Variants in PKD1L3 observed in about 807,000 individuals in gnomAD.
PKD1L3 encodes polycystin 1 like 3, transient receptor potential channel interacting, also known as polycystin-1-like protein 3.
In PKD1L3, 239 loss-of-function variants were observed where a neutral mutation model predicts 184.1. That is an observed-to-expected ratio of 1.30 (90% CI 1.17 to 1.45). PKD1L3 has a LOEUF of 1.45. Ranked by LOEUF, PKD1L3 falls within the 40% of genes most tolerant of loss-of-function variation. The pLI is 0.00. For synonymous variants in PKD1L3, 996 were observed against 778.8 expected (o/e 1.28, Z -4.64); for missense variants, 2,660 against 2,067.2 (o/e 1.29, Z -5.56).
Position 71,967,137 on chromosome 16 carries a change from C to A in PKD1L3, c.2465G>T (p.Trp822Leu). The A allele has an allele frequency of 4.5e-6, 7 of 1,551,372 alleles. No individual in the cohort carries two copies. Among genetic ancestry groups the A allele is most frequent in the Non-Finnish European group, 6.1e-6 (7 of 1,146,770 alleles). The change falls in exon 15 of 30, where the codon TGG (tryptophan) becomes TTG (leucine). Residue 822 changes from tryptophan (W) to leucine (L), a missense_variant and splice_region_variant. Transcript: ENST00000620267. ...CAGCCAACAGGATATAAGTACTCAC[C>A]AGGAGGGACTGACGCCAGAATTGTC... The part of the protein sequence containing the change: ...WHDNSGVSPS[W>L]YVSQVIVCDM...
chr16:71,992,799 T>C (rs2040640831), intron 3 of PKD1L3, among the ~76,000 whole-genome samples: 1 of 152,230 alleles, frequency 6.6e-6, no homozygotes, highest in South Asian at 2.1e-4. Context: ...CACTTCTTTC[T>C]TTCAGTTGAT....
At chr16:71,986,536 A>C in intron 4 of PKD1L3, 67 bp from the exon 5 acceptor site, 1 of 1,456,970 alleles carries the variant, frequency 6.9e-7, no homozygotes, top group African/African-American at 1.4e-5. Context: ...TTAAGGCAGC[A>C]TTTCCCCAAA....
intron 26 of PKD1L3, 24 bp from the exon 27 acceptor site, chr16:71,934,149 T>TA (rs1472265624): frequency 6.5e-7 from 1 of 1,550,038 alleles, no homozygotes; most frequent in South Asian, 1.2e-5. Context: ...AGCTGACAGT[T>TA]ACTCAGCAAG....
At chr16:71,949,301 T>G (rs1366616486) in intron 21 of PKD1L3, among the ~76,000 whole-genome samples, 1 of 152,074 alleles carries the variant, frequency 6.6e-6, no homozygotes, top group Non-Finnish European at 1.5e-5. Flanking sequence ...TTTTCTGTCA[T>G]GAATTACACT....
Position 71,944,701 on chromosome 16 carries a change from G to GTTTTTTTT in PKD1L3, c.3719-532_3719-531insAAAAAAAA, listed in dbSNP as rs200921195. Among the ~76,000 whole-genome samples, 4 of 141,146 alleles carry GTTTTTTTT rather than the reference G, an allele frequency of 2.8e-5. 1 individual carries two copies. Among genetic ancestry groups the GTTTTTTTT allele is most frequent in the Non-Finnish European group, 3.1e-5 (2 of 65,412 alleles). The allele number at this position is 141,146 out of a possible 152,430, so 92.6% of individuals were successfully genotyped here. ...CATAGCAAGACCATATCTGTTTTTTGTTTGTTTTTTTTTTTTGAGACGGAG... is the reference window on the plus strand; with the variant it reads ...CATAGCAAGACCATATCTGTTTTTTGTTTTTTTTTTTGTTTTTTTTTTTTGAGACGGAG... On this transcript the variant is annotated intron_variant, in intron 22 of 29. Coordinates refer to ENST00000620267, the MANE Select transcript of PKD1L3 (RefSeq NM_181536.2).
At chr16:71,987,626 C>T (rs1436572137) in intron 4 of PKD1L3, among the ~76,000 whole-genome samples, 3 of 151,222 alleles carry the variant, frequency 2.0e-5, no homozygotes, top group Non-Finnish European at 4.4e-5. Context: ...TCCGCCACCT[C>T]GGCCTCCCAA....
chr16:71,960,727 T>C (rs1337858160), intron 16 of PKD1L3, among the ~76,000 whole-genome samples: 1 of 152,118 alleles, frequency 6.6e-6, no homozygotes, highest in Non-Finnish European at 1.5e-5. Context: ...GCAACAAAAA[T>C]GAGTATGTTT....
rs1324885707 is a variant in PKD1L3, at chr16:71,967,208, G to T, written c.2394C>A (p.Thr798=). 2.6e-6 allele frequency: 4 copies of T among 1,551,698 alleles called. No individual in the cohort carries two copies. The South Asian group carries it at 4.8e-5, about 18-fold the overall frequency. The change falls in exon 15 of 30, where the codon ACC becomes ACA. Residue 798 remains threonine (T), a synonymous_variant. Coordinates refer to ENST00000620267, the MANE Select transcript of PKD1L3 (RefSeq NM_181536.2). ...ERGGLDVFLL[T]TWTSLGNLHS... ...GCAGGTTCCCTAGAGAGGTCCAAGT[G>T]GTGAGAAGGAAGACATCCAGGCCCC...
At chr16:71,962,652 A>G (rs545744779) in intron 16 of PKD1L3, among the ~76,000 whole-genome samples, 1 of 151,756 alleles carries the variant, frequency 6.6e-6, no homozygotes, top group African/African-American at 2.4e-5. Context: ...ACGCCTGGCT[A>G]ATTTTTGTAT....
chr16:71,981,606 T>A (rs1367975419), intron 7 of PKD1L3, among the ~76,000 whole-genome samples: 1 of 150,054 alleles, frequency 6.7e-6, no homozygotes, highest in Admixed American at 6.8e-5. Context: ...AGTGGCATGA[T>A]CTCGATTCAC....
intron 24 of PKD1L3, among the ~76,000 whole-genome samples, chr16:71,939,321 A>T (rs2038284334): frequency 6.6e-6 from 1 of 152,186 alleles, no homozygotes; most frequent in Non-Finnish European, 1.5e-5. Flanking sequence ...TGTGGGATCC[A>T]GGCCAGTAGC....
chr16:71,953,670 T>G (rs1456765808), intron 17 of PKD1L3, among the ~76,000 whole-genome samples: 2 of 152,072 alleles, frequency 1.3e-5, no homozygotes, highest in Non-Finnish European at 2.9e-5. Context: ...CTCGGCTCAC[T>G]GCAACCTCCG....
intron 5 of PKD1L3, among the ~76,000 whole-genome samples, chr16:71,985,265 T>C (rs7185190): frequency 0.76 from 116,210 of 152,016 alleles, 44,673 homozygotes; most frequent in South Asian, 0.86. Flanking sequence ...AATAGAACAC[T>C]GAATTTCCAT....
At chr16:71,951,494 G>A (rs2038832408) in intron 19 of PKD1L3, 70 bp downstream of exon 19, 1 of 1,423,244 alleles carries the variant, frequency 7.0e-7, no homozygotes. Flanking sequence ...GAATGAGTAA[G>A]AAAGTAAGAC....
In PKD1L3 at chr16:71,969,875, C is replaced by T. The variant is rs1213578009; in HGVS notation, c.2184G>A (p.Lys728=). ...TCTGTTGAAATCAAAGTCTCATTAC[C>T]TTCTGCATATCTGCTTGATCCTTTT... ...ARKKDQADMQ[K]VKVTVLADND... is the part of the protein sequence containing the mutation. The change falls in exon 13 of 30, where the codon AAG becomes AAA. Residue 728 remains lysine (K), a splice_region_variant and synonymous_variant. Transcript: ENST00000620267. 1 of 1,544,734 alleles carries T rather than the reference C, an allele frequency of 6.5e-7. No homozygotes were observed. Among genetic ancestry groups the T allele is most frequent in the South Asian group, 1.2e-5 (1 of 83,786 alleles).
At chr16:71,994,972 G>C (rs2040733043) in intron 2 of PKD1L3, among the ~76,000 whole-genome samples, 2 of 152,062 alleles carry the variant, frequency 1.3e-5, no homozygotes, top group Non-Finnish European at 2.9e-5. Context: ...TGGGCAACAA[G>C]AGTAAAACTC....
chr16:71,953,436 C>T (rs7205644), intron 17 of PKD1L3, among the ~76,000 whole-genome samples: 8,418 of 142,320 alleles, frequency 0.059, 731 homozygotes, highest in African/African-American at 0.2. Context: ...AGGAAACTCA[C>T]TGTCATGGCA....
At chr16:71,931,543 C>A (rs1030653590) in intron 28 of PKD1L3, among the ~76,000 whole-genome samples, 53 of 144,822 alleles carry the variant, frequency 3.7e-4, no homozygotes, top group Admixed American at 2.1e-4. Flanking sequence ...TGGCTCACTG[C>A]AACCTCCACC....
chr16:71,967,023 G>T, intron 15 of PKD1L3, 114 bp downstream of exon 15: 1 of 1,178,414 alleles, frequency 8.5e-7, no homozygotes, highest in Non-Finnish European at 1.2e-6. Context: ...AAATCTAATA[G>T]TCATTTGTTA....
Sources: allele counts gnomAD v4.1 joint callset (sites outside exome capture counted in the v4.1 genomes callset), GRCh38; gene constraint gnomAD v4.1.1; transcripts MANE v1.5; gene names NCBI Gene and HGNC (gene_info 2026-07-23, HGNC 2026-07-21).